The following RBFOX1 variants were observed in gnomAD, a reference collection of about 807,000 sequenced individuals.
The protein encoded by RBFOX1 is RNA binding protein fox-1 homolog 1.
RBFOX1 carries 8 observed loss-of-function variants against 57.7 expected under a neutral mutation model. That is an observed-to-expected ratio of 0.14 (90% CI 0.08 to 0.25). The LOEUF (loss-of-function observed/expected upper bound fraction) is 0.25. Among genes scored for constraint, RBFOX1 ranks in the 10% least tolerant of loss-of-function variants. The pLI, the probability that RBFOX1 is intolerant of heterozygous loss-of-function variation, is 1.00. For synonymous variants in RBFOX1, 326 were observed against 222.4 expected (o/e 1.47, Z -4.15); for missense variants, 611 against 548.5 (o/e 1.11, Z -1.14).
At chr16:7,585,693 G>A (rs948925347) in intron 6 of RBFOX1, among the ~76,000 whole-genome samples, 4 of 152,138 alleles carry the variant, frequency 2.6e-5, no homozygotes, top group Non-Finnish European at 5.9e-5. Flanking sequence ...TATTCAAGTG[G>A]CATATACATT....
chr16:5,868,768 T>A (rs17138775), intron 4 of RBFOX1, among the ~76,000 whole-genome samples: 1 of 151,944 alleles, frequency 6.6e-6, no homozygotes, highest in Admixed American at 6.6e-5. Context: ...GAGTGAGTTA[T>A]TAAACAACAC....
rs527689226 is a variant in RBFOX1 at position 7,013,014 on chromosome 16, G to C, written c.-15-39043G>C. 8.5e-5 allele frequency among the ~76,000 whole-genome samples: 13 copies of C among 152,236 alleles called. No individual in the cohort carries two copies. In the South Asian group the frequency reaches 1.7e-3, roughly 19 times the overall value. ...TCCTCAGTGTGTACAGGTGGAGAGA[G>C]AGAGAAAGCAAGCCCTCTCTTTCTC... is the stretch of plus-strand genomic sequence containing the variant. On this transcript the variant is annotated intron_variant, in intron 3 of 15. Coordinates refer to ENST00000550418, the MANE Select transcript of RBFOX1 (RefSeq NM_018723.4).
chr16:5,487,494 T>C (rs573746706), intron 2 of RBFOX1, among the ~76,000 whole-genome samples: 46 of 152,306 alleles, frequency 3.0e-4, no homozygotes, highest in Non-Finnish European at 6.3e-4. Flanking sequence ...ACTTGGGTTC[T>C]TTTCTCTGTT....
intron 3 of RBFOX1, among the ~76,000 whole-genome samples, chr16:6,965,159 T>A (rs935961184): frequency 6.6e-6 from 1 of 152,164 alleles, no homozygotes; most frequent in African/African-American, 2.4e-5. Context: ...ACTGTACTGC[T>A]GCAGATTGCT....
intron 2 of RBFOX1, among the ~76,000 whole-genome samples, chr16:6,530,521 C>T (rs57534791): frequency 0.065 from 9,820 of 152,202 alleles, 1,096 homozygotes; most frequent in African/African-American, 0.22. Flanking sequence ...CTCAAATAGA[C>T]ATGCAGGGGC....
At chr16:6,677,868 A>G (rs569451536) in intron 3 of RBFOX1, among the ~76,000 whole-genome samples, 3 of 152,312 alleles carry the variant, frequency 2.0e-5, no homozygotes, top group African/African-American at 7.2e-5. Context: ...GCCTATTAAT[A>G]TAGGCTCTTC....
chr16:7,255,302 C>T (rs1353686596), intron 4 of RBFOX1, among the ~76,000 whole-genome samples: 1 of 152,124 alleles, frequency 6.6e-6, no homozygotes, highest in African/African-American at 2.4e-5. Context: ...TATCACACTG[C>T]TGTGGAAACT....
chr16:6,773,191 TG>T (rs2078687504), intron 3 of RBFOX1, among the ~76,000 whole-genome samples: 1 of 90,464 alleles, frequency 1.1e-5, no homozygotes, highest in African/African-American at 4.9e-5. Context: ...TGTGTGGGCA[TG>T]GGGTGCATTT....
intron 3 of RBFOX1, among the ~76,000 whole-genome samples, chr16:5,721,985 C>T (rs983028733): frequency 4.6e-5 from 7 of 152,182 alleles, no homozygotes; most frequent in Admixed American, 2.6e-4. Context: ...GGCATTTTGA[C>T]CCCATAGCAC....
At chr16:5,485,939 C>G (rs1227738239) in intron 2 of RBFOX1, among the ~76,000 whole-genome samples, 1 of 152,114 alleles carries the variant, frequency 6.6e-6, no homozygotes, top group African/African-American at 2.4e-5. Flanking sequence ...ATAATCGTTC[C>G]CACATCATAA....
intron 1 of RBFOX1, among the ~76,000 whole-genome samples, chr16:6,213,436 GA>G (rs2097311308): frequency 6.6e-6 from 1 of 152,112 alleles, no homozygotes. Flanking sequence ...CGGCAATATG[GA>G]AAACCTCCTA....
rs145498650 is a variant in RBFOX1 at position 7,058,005 on chromosome 16, G to GAAAAAAAA, written c.27+5907_27+5908insAAAAAAAA. Among the ~76,000 whole-genome samples, 9 of 121,612 alleles carry GAAAAAAAA rather than the reference G, an allele frequency of 7.4e-5. 3 individuals carry two copies. Among genetic ancestry groups the GAAAAAAAA allele is most frequent in the African/African-American group, 3.2e-5 (1 of 30,980 alleles). 79.8% of individuals were successfully genotyped at this position (121,612 alleles called of 152,430 possible). A position where few individuals can be genotyped will look rare whatever the true frequency, so the allele number is the denominator to read the frequency against. ...TCTGGTCGACAGAGGGAGACTGTGG[G>GAAAAAAAA]GAAAAAAAAAAAAAAAACACGAAAA... is the stretch of plus-strand genomic sequence containing the variant. On this transcript the variant is annotated intron_variant, in intron 4 of 15. Coordinates refer to ENST00000550418, the MANE Select transcript of RBFOX1 (RefSeq NM_018723.4).
rs954561574 is a variant in RBFOX1, at chr16:6,806,171, C to G, written c.-16+151521C>G. ...AGAATAGAAATGAGTATAGAATTGC[C>G]ACAGGTCACAATATAAGAGAAAAAT... On this transcript the variant is annotated intron_variant, in intron 3 of 15. Coordinates refer to ENST00000550418, the MANE Select transcript of RBFOX1 (RefSeq NM_018723.4). Among the ~76,000 whole-genome samples, 7 of 152,058 alleles carry G rather than the reference C, an allele frequency of 4.6e-5. 1 individual carries two copies. Among genetic ancestry groups the G allele is most frequent in the Admixed American group, 3.9e-4 (6 of 15,236 alleles).
intron 1 of RBFOX1, among the ~76,000 whole-genome samples, chr16:5,455,779 G>A (rs973906269): frequency 6.6e-6 from 1 of 152,140 alleles, no homozygotes; most frequent in South Asian, 2.1e-4. Context: ...TGACCAAGAA[G>A]TGAAATGCAG....
intron 4 of RBFOX1, among the ~76,000 whole-genome samples, chr16:7,282,813 T>C (rs1307709440): frequency 1.3e-5 from 2 of 152,234 alleles, no homozygotes; most frequent in African/African-American, 2.4e-5. Context: ...CTCCCACTTA[T>C]GAGTGAGAAC....
intron 2 of RBFOX1, among the ~76,000 whole-genome samples, chr16:6,626,917 A>G (rs749034490): frequency 2.2e-4 from 34 of 152,310 alleles, no homozygotes; most frequent in Middle Eastern, 3.4e-3. Flanking sequence ...CTTATACACA[A>G]AGGCCCTTTG....
At chr16:6,527,294 G>A (rs968104054) in intron 2 of RBFOX1, among the ~76,000 whole-genome samples, 3 of 152,016 alleles carry the variant, frequency 2.0e-5, no homozygotes, top group Admixed American at 2.0e-4. Context: ...TTTCAGAAAT[G>A]TGATATCTTA....
At chr16:5,382,520 G>A (rs497257) in intron 1 of RBFOX1, among the ~76,000 whole-genome samples, 82,080 of 151,446 alleles carry the variant, frequency 0.54, 22,483 homozygotes, top group African/African-American at 0.58. Flanking sequence ...GGCCATTTCT[G>A]TAGCGTTCTG....
intron 2 of RBFOX1, among the ~76,000 whole-genome samples, chr16:5,581,742 A>G (rs1227584642): frequency 6.6e-6 from 1 of 152,170 alleles, no homozygotes; most frequent in Non-Finnish European, 1.5e-5. Flanking sequence ...AACACTGTAT[A>G]GTTGCAGCTC....
Sources: gnomAD v4.1 joint callset for allele counts (sites outside exome capture counted in the v4.1 genomes callset) on GRCh38, gnomAD v4.1.1 for gene constraint, MANE v1.5 for transcripts, NCBI Gene and HGNC (gene_info 2026-07-23, HGNC 2026-07-21) for gene names.